The following ZNF75D variants were observed in gnomAD, a reference collection of about 807,000 sequenced individuals.
ZNF75D encodes the protein zinc finger protein 75.
In ZNF75D, 33 loss-of-function variants were observed where a neutral mutation model predicts 33.3. The ratio of observed to expected loss-of-function variants is 0.99; its 90% CI spans 0.75 to 1.32. The LOEUF is 1.32. Ranked by LOEUF, ZNF75D falls within the 40% of genes most tolerant of loss-of-function variation. The probability of loss-of-function intolerance (pLI) is 0.00; values close to 1 mark genes in which losing one functional copy is unlikely to be tolerated. For synonymous variants in ZNF75D, 113 were observed against 130.6 expected, an observed-to-expected ratio of 0.87 and a Z score of 0.92; for missense variants, 338 against 367.5, an observed-to-expected ratio of 0.92 and a Z score of 0.66.
At chrX:135,265,578 A>G (rs1556416235) in intron 1 of ZNF75D, among the ~76,000 whole-genome samples, 1 of 112,296 alleles carries the variant, frequency 8.9e-6, no homozygotes, top group East Asian at 2.8e-4. Context: ...TAAAGGAAAT[A>G]AAGTTTTACC....
rs782755517 is a variant in ZNF75D at position 135,293,814 on chromosome X, C to T, written c.327G>A (p.Val109=). 1.7e-6 allele frequency: 2 copies of T among 1,209,780 alleles called. No individual in the cohort carries two copies. Among genetic ancestry groups the T allele is most frequent in the South Asian group, 1.8e-5 (1 of 56,889 alleles). Residue 109 remains valine (V), a synonymous_variant, in exon 3 of 7, where the codon GTG becomes GTA. Coordinates refer to ENST00000370766, the MANE Select transcript of ZNF75D (RefSeq NM_007131.5). ...SILPKETQNW[V]QKHHPQNVKQ... ...TGACATTCTGTGGATGATGCTTCTG[C>T]ACCCAGTTCTGGGTCTCCTTGGGCA...
Position 135,332,925 on chromosome X carries a change from C to T in ZNF75D, c.-391+8843G>A, listed in dbSNP as rs948488125. Among the ~76,000 whole-genome samples the T allele has an allele frequency of 6.3e-5, 7 of 111,953 alleles. No individual in the cohort carries two copies. The South Asian group carries it at 2.2e-3, about 36-fold the overall frequency. ...GCTGGAGACCAGAGAAGCCCCACTT[C>T]ATGGAGGTTGTATAGTATGCTAAGT... On this transcript the variant is annotated intron_variant, in intron 1 of 6. Transcript: ENST00000370766.
intron 1 of ZNF75D, among the ~76,000 whole-genome samples, chrX:135,304,254 T>C (rs2084257024): frequency 9.0e-6 from 1 of 111,079 alleles, no homozygotes; most frequent in Non-Finnish European, 1.9e-5. Flanking sequence ...GCACCCACTA[T>C]GGGGACAGTG....
At chrX:135,328,306 T>G (rs1556438756) in intron 1 of ZNF75D, among the ~76,000 whole-genome samples, 1 of 111,186 alleles carries the variant, frequency 9.0e-6, no homozygotes, top group African/African-American at 3.3e-5. Flanking sequence ...GTCCTCCAGG[T>G]TTTCTTCTAC....
downstream of ZNF75D, among the ~76,000 whole-genome samples, chrX:135,283,975 T>G (rs1242638205): frequency 9.0e-6 from 1 of 111,207 alleles, no homozygotes; most frequent in Admixed American, 9.5e-5. Flanking sequence ...TGCACACAAG[T>G]GGAAAAAGCC....
At chrX:135,302,411 G>A (rs2084229685) in intron 1 of ZNF75D, among the ~76,000 whole-genome samples, 1 of 112,050 alleles carries the variant, frequency 8.9e-6, no homozygotes, top group African/African-American at 3.2e-5. Context: ...CAGTAAGTCA[G>A]CAAGTGAGTG....
chrX:135,337,573 G>T (rs2084729266), intron 1 of ZNF75D, among the ~76,000 whole-genome samples: 1 of 111,862 alleles, frequency 8.9e-6, no homozygotes, highest in Admixed American at 9.5e-5. Context: ...GGAATCACGT[G>T]AAAACTTTCA....
At chrX:135,299,160 T>G (rs553057174) in intron 1 of ZNF75D, among the ~76,000 whole-genome samples, 1 of 112,444 alleles carries the variant, frequency 8.9e-6, no homozygotes, top group East Asian at 2.8e-4. Context: ...GTGGTGTAAT[T>G]GCTAGATCAT....
intron 1 of ZNF75D, among the ~76,000 whole-genome samples, chrX:135,276,493 T>C (rs1210002496): frequency 4.5e-5 from 5 of 111,828 alleles, no homozygotes; most frequent in African/African-American, 1.6e-4. Context: ...TATATTTCTT[T>C]CTTTTTTAAA....
chrX:135,310,106 C>G (rs1164759691), intron 1 of ZNF75D, among the ~76,000 whole-genome samples: 2 of 112,166 alleles, frequency 1.8e-5, no homozygotes, highest in Non-Finnish European at 3.8e-5. Flanking sequence ...AGCAGACCAA[C>G]AGCTGGGCCG....
Position 135,294,100 on chromosome X carries a change from G to A in ZNF75D, c.41C>T (p.Pro14Leu). 8.3e-7 allele frequency: 1 copy of A among 1,203,164 alleles called. No homozygotes were observed. Among genetic ancestry groups the A allele is most frequent in the Non-Finnish European group, 1.1e-6 (1 of 891,677 alleles). The change falls in exon 3 of 7, where the codon CCC (proline) becomes CTC (leucine). Residue 14 changes from proline (P) to leucine (L), a missense_variant. By Grantham distance (98) the Pro-to-Leu change is moderately conservative. Transcript: ENST00000370766. ...RELNADSCSS[P>L]QMGAMWETSG... ...AGTCTCCCACATAGCCCCCATCTGG[G>A]GGCTTGAGCATGAATCCGCGTTCAG...
rs2084407031 is a variant in ZNF75D at position 135,315,358 on chromosome X, A to C, written c.-390-19319T>G. Among the ~76,000 whole-genome samples, 3 of 112,150 alleles carry C rather than the reference A, an allele frequency of 2.7e-5. No individual in the cohort carries two copies. In the South Asian group the frequency reaches 1.1e-3, roughly 41 times the overall value. On this transcript the variant is annotated intron_variant, in intron 1 of 6. Coordinates refer to ENST00000370766, the MANE Select transcript of ZNF75D (RefSeq NM_007131.5). ...TTGAGCCTTTTTTTGGTCGTGGCCTAACATATACTCTATCCTGGAGAATGT... is the reference window on the plus strand; with the variant it reads ...TTGAGCCTTTTTTTGGTCGTGGCCTCACATATACTCTATCCTGGAGAATGT...
At chrX:135,287,984 C>A in intron 6 of ZNF75D, 138 bp from the exon 7 acceptor site, 1 of 502,614 alleles carries the variant, frequency 2.0e-6, no homozygotes, top group Non-Finnish European at 3.2e-6. Context: ...GACAAAATGG[C>A]ATAGACCCAT....
chrX:135,272,352 T>A (rs2083886160), intron 1 of ZNF75D, among the ~76,000 whole-genome samples: 1 of 105,887 alleles, frequency 9.4e-6, no homozygotes, highest in Admixed American at 1.1e-4. Context: ...CATATCCAGC[T>A]ATCTGCCTAC....
chrX:135,293,782 G>C lies in ZNF75D; in HGVS notation c.359C>G (p.Ala120Gly). Residue 120 changes from alanine (A) to glycine (G), a missense_variant, in exon 3 of 7, where the codon GCT becomes GGT. Ala to Gly is a moderately conservative substitution (Grantham distance 60). Transcript: ENST00000370766. ...QKHHPQNVKQ[A>G]LVLVEFLQRE... is the part of the protein sequence containing the mutation. The stretch of plus-strand genomic sequence containing the variant: ...CTGCAAGAATTCCACCAGGACCAGA[G>C]CCTGTTTGACATTCTGTGGATGATG... 2 of 1,202,452 alleles carry C rather than the reference G, an allele frequency of 1.7e-6. No homozygotes were observed. Among genetic ancestry groups the C allele is most frequent in the African/African-American group, 1.7e-5 (1 of 57,632 alleles).
chrX:135,292,453 T>A lies in ZNF75D; in HGVS notation c.432A>T (p.Gly144=). 8.3e-7 allele frequency: 1 copy of A among 1,211,470 alleles called. No homozygotes were observed. The change falls in exon 4 of 7, where the codon GGA becomes GGT. Residue 144 remains glycine, a synonymous_variant. Transcript: ENST00000370766. ...TTCCTCCCAAGAGCACTGCCTCCTT[T>A]CCCAGCTCATGGGCTGTGACCTAGA... ...TKNEVTAHEL[G]KEAVLLGGTA...
intron 1 of ZNF75D, among the ~76,000 whole-genome samples, chrX:135,321,765 G>T (rs2084498243): frequency 8.9e-6 from 1 of 111,958 alleles, no homozygotes. Flanking sequence ...TACCTGTGGG[G>T]GTTCAATCAG....
intron 1 of ZNF75D, among the ~76,000 whole-genome samples, chrX:135,308,459 G>C (rs782488428): frequency 3.6e-4 from 40 of 111,951 alleles, no homozygotes; most frequent in Middle Eastern, 4.6e-3. Context: ...TTTGGTAATG[G>C]GGGGGAAGGT....
chrX:135,270,352 CATATATATATATATATATATATATATAT>C (rs530211370), intron 1 of ZNF75D, among the ~76,000 whole-genome samples: 2,063 of 63,498 alleles, frequency 0.032, 40 homozygotes, highest in Non-Finnish European at 0.05. Flanking sequence ...CAAAATATCT[CATATATATATATATATATATATATATAT>C]ATATATATAT....
Sources: allele counts gnomAD v4.1 joint callset (sites outside exome capture counted in the v4.1 genomes callset), GRCh38; gene constraint gnomAD v4.1.1; transcripts MANE v1.5; gene names NCBI Gene and HGNC (gene_info 2026-07-23, HGNC 2026-07-21).